The following AGBL4 variants were observed in gnomAD, a reference collection of about 807,000 sequenced individuals.
AGBL4 encodes the protein AGBL carboxypeptidase 4.
A neutral mutation model predicts 66.4 loss-of-function variants in AGBL4; 58 were observed. The observed-to-expected ratio is 0.87, with a 90% CI of 0.71 to 1.09. The LOEUF is 1.09. Ranked by LOEUF, AGBL4 falls within the 50% of genes least tolerant of loss-of-function variation. AGBL4 has a pLI of 0.00. For missense variants in AGBL4, 579 were observed against 631.0 expected (o/e 0.92, Z 0.88); for synonymous variants, 234 against 222.9 (o/e 1.05, Z -0.44).
chr1:49,549,781 T>C (rs1469492416), intron 3 of AGBL4, among the ~76,000 whole-genome samples: 1 of 152,200 alleles, frequency 6.6e-6, no homozygotes, highest in African/African-American at 2.4e-5. Flanking sequence ...ATGTTCTGCA[T>C]ATATCTGTTA....
intron 3 of AGBL4, among the ~76,000 whole-genome samples, chr1:49,410,990 A>ATATCCTATG (rs2148626885): frequency 6.6e-6 from 1 of 152,324 alleles, no homozygotes; most frequent in African/African-American, 2.4e-5. Context: ...GGATATATGT[A>ATATCCTATG]TATATGCAAG....
intron 4 of AGBL4, among the ~76,000 whole-genome samples, chr1:49,137,746 A>C (rs1467254648): frequency 6.6e-6 from 1 of 152,138 alleles, no homozygotes; most frequent in Non-Finnish European, 1.5e-5. Context: ...ACAGAATCTC[A>C]ATACTTCAGA....
At chr1:48,710,173 G>A (rs1462541052) in intron 6 of AGBL4, among the ~76,000 whole-genome samples, 2 of 152,062 alleles carry the variant, frequency 1.3e-5, no homozygotes, top group Admixed American at 6.6e-5. Context: ...GAAGAAATGC[G>A]GTTCCCCTGC....
rs1345303116 is a variant in AGBL4, at chr1:49,938,893, G to A, written c.34+84870C>T. 2.6e-5 allele frequency among the ~76,000 whole-genome samples: 4 copies of A among 151,996 alleles called. No individual in the cohort carries two copies. The East Asian group carries it at 7.7e-4, about 29-fold the overall frequency. ...AAGGAAATAAAGGGTATTCAATTAG[G>A]AAAAGAGGAAGTCAAATTGTCCCTC... On this transcript the variant is annotated intron_variant, in intron 1 of 13. Transcript: ENST00000371839.
At chr1:49,135,632 T>C (rs1029509311) in intron 4 of AGBL4, among the ~76,000 whole-genome samples, 1 of 152,170 alleles carries the variant, frequency 6.6e-6, no homozygotes, top group African/African-American at 2.4e-5. Context: ...ATTAAAGGAA[T>C]AGGTTGGGCT....
intron 5 of AGBL4, among the ~76,000 whole-genome samples, chr1:48,944,765 A>G (rs1656321619): frequency 6.6e-6 from 1 of 152,134 alleles, no homozygotes; most frequent in Non-Finnish European, 1.5e-5. Context: ...TTCCTGGAGA[A>G]AGTTCAGAAA....
chr1:49,531,090 G>A (rs763509130), intron 3 of AGBL4, among the ~76,000 whole-genome samples: 1 of 152,004 alleles, frequency 6.6e-6, no homozygotes, highest in African/African-American at 2.4e-5. Flanking sequence ...ATGTGGCTTA[G>A]TATTTTTATT....
Position 48,611,130 on chromosome 1 carries a change from A to G in AGBL4, c.952-20145T>C, listed in dbSNP as rs570847385. 3.3e-5 allele frequency among the ~76,000 whole-genome samples: 5 copies of G among 152,344 alleles called. No homozygotes were observed. In the East Asian group the frequency reaches 9.7e-4, roughly 29 times the overall value. On this transcript the variant is annotated intron_variant, in intron 9 of 13. Transcript: ENST00000371839. ...CTGCCCAGCTCTGTCAGCTGCCCTG[A>G]TATCTGTTTGTGAAAAACGGATAGG...
At chr1:49,664,261 C>T (rs1244639530) in intron 3 of AGBL4, among the ~76,000 whole-genome samples, 1 of 151,874 alleles carries the variant, frequency 6.6e-6, no homozygotes, top group Non-Finnish European at 1.5e-5. Context: ...TGTCAGAAGA[C>T]AATGGAGTAA....
intron 5 of AGBL4, among the ~76,000 whole-genome samples, chr1:48,917,408 G>GA (rs59949945): frequency 0.098 from 14,753 of 151,302 alleles, 796 homozygotes; most frequent in Non-Finnish European, 0.11. Context: ...GCTGGAGGTA[G>GA]AAAAAAAAAT....
At chr1:49,031,433 A>C (rs878951900) in intron 5 of AGBL4, among the ~76,000 whole-genome samples, 1 of 152,184 alleles carries the variant, frequency 6.6e-6, no homozygotes, top group Admixed American at 6.5e-5. Flanking sequence ...CTATTTGTCA[A>C]TTAAAAATAA....
At chr1:49,580,830 A>G (rs1408044239) in intron 3 of AGBL4, among the ~76,000 whole-genome samples, 1 of 152,132 alleles carries the variant, frequency 6.6e-6, no homozygotes, top group Non-Finnish European at 1.5e-5. Context: ...GTCTAATTGT[A>G]ATATGCCACA....
intron 2 of AGBL4, among the ~76,000 whole-genome samples, chr1:49,836,794 A>G (rs918706814): frequency 2.0e-5 from 3 of 152,124 alleles, no homozygotes; most frequent in African/African-American, 7.2e-5. Context: ...TGTTGATGCT[A>G]TTCCTTTCTG....
intron 1 of AGBL4, among the ~76,000 whole-genome samples, chr1:49,931,147 C>A (rs1180958517): frequency 1.3e-5 from 2 of 152,026 alleles, no homozygotes; most frequent in Non-Finnish European, 2.9e-5. Flanking sequence ...TAAAGTACTT[C>A]TTACAATAGT....
intron 3 of AGBL4, among the ~76,000 whole-genome samples, chr1:49,289,670 A>G (rs1416656008): frequency 6.6e-6 from 1 of 152,226 alleles, no homozygotes; most frequent in South Asian, 2.1e-4. Context: ...TGAGATAAAT[A>G]CTAATAAAAA....
intron 3 of AGBL4, among the ~76,000 whole-genome samples, chr1:49,396,940 G>T (rs981800784): frequency 6.6e-6 from 1 of 152,128 alleles, no homozygotes; most frequent in Non-Finnish European, 1.5e-5. Flanking sequence ...CAATTTTTCC[G>T]CAGACAGTGG....
In AGBL4 at chr1:49,152,874, CT is replaced by C. The variant is rs1646364408; in HGVS notation, c.377+92895del. Among the ~76,000 whole-genome samples, 3 of 152,146 alleles carry C rather than the reference CT, an allele frequency of 2.0e-5. No individual in the cohort carries two copies. The South Asian group carries it at 6.2e-4, about 31-fold the overall frequency. ...TGGGCAGAAATAAATACGGTCTTTACTTTTAAACTAATATATTAGTTTAAGG... is the reference window on the plus strand; with the variant it reads ...TGGGCAGAAATAAATACGGTCTTTACTTTAAACTAATATATTAGTTTAAGG... On this transcript the variant is annotated intron_variant, in intron 4 of 13. Coordinates refer to ENST00000371839, the MANE Select transcript of AGBL4 (RefSeq NM_032785.4).
intron 8 of AGBL4, among the ~76,000 whole-genome samples, chr1:48,649,517 C>T (rs17104610): frequency 0.014 from 2,177 of 152,264 alleles, 63 homozygotes; most frequent in African/African-American, 0.049. Context: ...GCTCTATATA[C>T]TCTTACTGTA....
chr1:49,842,190 T>C (rs945435307), intron 2 of AGBL4: 27 of 424,874 alleles, frequency 6.4e-5, no homozygotes, highest in African/African-American at 5.4e-4. Flanking sequence ...GAGGACATGG[T>C]GGTGGACTTC....
Sources: gnomAD v4.1 joint callset for allele counts (sites outside exome capture counted in the v4.1 genomes callset) on GRCh38, gnomAD v4.1.1 for gene constraint, MANE v1.5 for transcripts, NCBI Gene and HGNC (gene_info 2026-07-23, HGNC 2026-07-21) for gene names.